GBE1: variants seen among roughly 807,000 people sequenced by gnomAD.
GBE1 encodes 1,4-alpha-glucan-branching enzyme.
A neutral mutation model predicts 88.8 loss-of-function variants in GBE1; 70 were observed. That is an observed-to-expected ratio of 0.79 (90% confidence interval 0.65 to 0.96). The LOEUF is 0.96. GBE1 is among the 40% of genes least tolerant of loss of function. The pLI, the probability that GBE1 is intolerant of heterozygous loss-of-function variation, is 0.00. For missense variants in GBE1, 872 were observed against 871.0 expected (o/e 1.00, Z -0.01); for synonymous variants, 284 against 300.1 (o/e 0.95, Z 0.56).
At chr3:81,641,077 A>G (rs926467384) in intron 7 of GBE1, among the ~76,000 whole-genome samples, 5 of 152,098 alleles carry the variant, frequency 3.3e-5, no homozygotes, top group Non-Finnish European at 7.4e-5. Context: ...ACACTACAAT[A>G]AACATGTGAA....
intron 12 of GBE1, among the ~76,000 whole-genome samples, chr3:81,554,102 T>C (rs181716419): frequency 3.3e-5 from 5 of 152,328 alleles, no homozygotes; most frequent in Admixed American, 2.0e-4. Context: ...ACCAGTCATT[T>C]TGAGGCCATT....
At position 81,528,504 on chromosome 3, in the gene GBE1, T is replaced by C. The variant is rs144112489; in HGVS notation, c.1934+6691A>G. On this transcript the variant is annotated intron_variant, in intron 14 of 15. Coordinates refer to ENST00000429644, the MANE Select transcript of GBE1 (RefSeq NM_000158.4). ...ATATGTATCAGGTGCATTTGGTCTA[T>C]AGCACAGATTACATCTCAGGTTTCT... Among the ~76,000 whole-genome samples, 636 of 152,182 alleles carry C rather than the reference T, an allele frequency of 4.2e-3. 3 individuals carry two copies. Among genetic ancestry groups the C allele is most frequent in the African/African-American group, 0.013 (554 of 41,558 alleles).
At position 81,642,813 on chromosome 3, in the gene GBE1, A is replaced by G; in HGVS notation, c.960T>C (p.Asp320=). 6.2e-7 allele frequency: 1 copy of G among 1,612,892 alleles called. No individual in the cohort carries two copies. Among genetic ancestry groups the G allele is most frequent in the Non-Finnish European group, 8.5e-7 (1 of 1,178,990 alleles). The stretch of plus-strand genomic sequence containing the variant: ...AGGCAAACAATCTGCTATCCCAAAG[A>G]TCATGAGTCCCTCTAGGTCCAGAAT... The part of the protein sequence containing the change: ...YFHSGPRGTH[D]LWDSRLFAYS... Residue 320 remains aspartate, a synonymous_variant, in exon 7 of 16, where the codon GAT becomes GAC. Transcript: ENST00000429644.
Position 81,733,302 on chromosome 3 carries a change from G to C in GBE1, c.144-27689C>G, listed in dbSNP as rs1706213683. 6.6e-6 allele frequency among the ~76,000 whole-genome samples: 1 copy of C among 151,930 alleles called. No homozygotes were observed. Among genetic ancestry groups the C allele is most frequent in the African/African-American group, 2.4e-5 (1 of 41,350 alleles). The stretch of plus-strand genomic sequence containing the variant: ...CATCACCCCCAGACAGGATCATCTA[G>C]TTGCAGGAAAACAAGCTCAGGGCTC... On this transcript the variant is annotated intron_variant, in intron 1 of 15. Coordinates refer to ENST00000429644, the MANE Select transcript of GBE1 (RefSeq NM_000158.4). The surrounding 1 kb of genome is among the most constrained non-coding windows in gnomAD (Gnocchi z 4.0).
chr3:81,719,774 A>G (rs377174066), intron 1 of GBE1, among the ~76,000 whole-genome samples: 1 of 152,306 alleles, frequency 6.6e-6, no homozygotes, highest in South Asian at 2.1e-4. Flanking sequence ...CAAGATGGTT[A>G]TATCAATAGT....
intron 14 of GBE1, among the ~76,000 whole-genome samples, chr3:81,530,629 C>A (rs1702999072): frequency 6.6e-6 from 1 of 151,938 alleles, no homozygotes; most frequent in South Asian, 2.1e-4. Flanking sequence ...GATTATCAGG[C>A]AGAATCTCTT....
chr3:81,624,853 G>T (rs965831769), intron 7 of GBE1, among the ~76,000 whole-genome samples: 2 of 152,160 alleles, frequency 1.3e-5, no homozygotes, highest in African/African-American at 4.8e-5. Context: ...TGTTCCCAGT[G>T]TGTCTGAATT....
chr3:81,551,729 A>C (rs2106895171), intron 12 of GBE1, among the ~76,000 whole-genome samples: 1 of 152,320 alleles, frequency 6.6e-6, no homozygotes, highest in Admixed American at 6.5e-5. Flanking sequence ...CAAGCTGGAC[A>C]CATGTCATCA....
At chr3:81,550,520 C>T (rs1703258140) in intron 12 of GBE1, among the ~76,000 whole-genome samples, 1 of 151,974 alleles carries the variant, frequency 6.6e-6, no homozygotes, top group African/African-American at 2.4e-5. Flanking sequence ...TGAATAGGGA[C>T]TAGGTAAAAT....
At chr3:81,745,725 A>T (rs565840243) in intron 1 of GBE1, among the ~76,000 whole-genome samples, 8 of 152,290 alleles carry the variant, frequency 5.3e-5, no homozygotes, top group African/African-American at 1.9e-4. Flanking sequence ...TGTTGAAATG[A>T]TAATTTGAAT....
chr3:81,502,205 G>C (rs1702596032), intron 14 of GBE1, among the ~76,000 whole-genome samples: 1 of 152,034 alleles, frequency 6.6e-6, no homozygotes, highest in Non-Finnish European at 1.5e-5. Context: ...AAATTTAATA[G>C]TTTTTGTGTA....
intron 2 of GBE1, among the ~76,000 whole-genome samples, chr3:81,693,761 C>T (rs894468629): frequency 6.6e-6 from 1 of 151,980 alleles, no homozygotes; most frequent in Non-Finnish European, 1.5e-5. Context: ...CACACAACCA[C>T]CTATATATAT....
chr3:81,500,448 T>C (rs2106811771), intron 14 of GBE1, among the ~76,000 whole-genome samples: 1 of 152,338 alleles, frequency 6.6e-6, no homozygotes, highest in East Asian at 1.9e-4. Flanking sequence ...ACATAGAAGT[T>C]TAGCTTTTGT....
chr3:81,594,635 C>T (rs1370235519), intron 7 of GBE1, among the ~76,000 whole-genome samples: 1 of 151,772 alleles, frequency 6.6e-6, no homozygotes, highest in Non-Finnish European at 1.5e-5. Context: ...ACTGTTGTTT[C>T]GTGAAGGTAA....
intron 12 of GBE1, among the ~76,000 whole-genome samples, chr3:81,570,157 A>AT (rs1193987833): frequency 1.3e-5 from 2 of 152,202 alleles, no homozygotes; most frequent in Non-Finnish European, 1.5e-5. Flanking sequence ...TTTTCAGACT[A>AT]AAATATACGG....
At chr3:81,646,581 A>C in intron 5 of GBE1, 99 bp from the exon 6 acceptor site, 1 of 692,266 alleles carries the variant, frequency 1.4e-6, no homozygotes. Context: ...TAAAATTTAC[A>C]AACAATCTAG....
intron 14 of GBE1, among the ~76,000 whole-genome samples, chr3:81,522,904 T>C (rs1182936843): frequency 1.3e-5 from 2 of 151,534 alleles, no homozygotes; most frequent in Admixed American, 6.6e-5. Context: ...CATTGCAACT[T>C]ATAACTAGTA....
chr3:81,538,710 T>C lies in GBE1; in HGVS notation c.1619-1615A>G, dbSNP rs77098678. 6.5e-3 allele frequency among the ~76,000 whole-genome samples: 990 copies of C among 152,096 alleles called. 4 individuals carry two copies. The highest frequency in any genetic ancestry group is 0.015 in the African/African-American group (614 of 41,538). Reference sequence around the variant, plus strand: ...CAATTGGAGCAATCTTTACTGATAATGAAGGGATTTCCAGTCTGGGAACAA... The same window carrying C: ...CAATTGGAGCAATCTTTACTGATAACGAAGGGATTTCCAGTCTGGGAACAA... On this transcript the variant is annotated intron_variant, in intron 12 of 15. Coordinates refer to ENST00000429644, the MANE Select transcript of GBE1 (RefSeq NM_000158.4).
At chr3:81,589,395 AAG>A (rs1703845730) in intron 9 of GBE1, among the ~76,000 whole-genome samples, 1 of 151,882 alleles carries the variant, frequency 6.6e-6, no homozygotes, top group Non-Finnish European at 1.5e-5. Flanking sequence ...AAAAAAAAAA[AAG>A]TTCATGGGGA....
Sources: allele counts gnomAD v4.1 joint callset (sites outside exome capture counted in the v4.1 genomes callset), GRCh38; gene constraint gnomAD v4.1.1; non-coding constraint Gnocchi (gnomAD v3.1); transcripts MANE v1.5; gene names NCBI Gene and HGNC (gene_info 2026-07-23, HGNC 2026-07-21).